CDH13: variants seen among roughly 807,000 people sequenced by gnomAD.
CDH13 encodes cadherin-13.
A neutral mutation model predicts 63.8 loss-of-function variants in CDH13; 24 were observed. The observed-to-expected ratio is 0.38, with a 90% CI of 0.27 to 0.53. The LOEUF (loss-of-function observed/expected upper bound fraction) is 0.53, where lower values mean the gene tolerates loss of function less well. CDH13 is among the 20% of genes least tolerant of loss of function. The pLI is 0.85. For synonymous variants in CDH13, 503 were observed against 355.3 expected, an observed-to-expected ratio of 1.42 and a Z score of -4.67; for missense variants, 1,049 against 903.1, an observed-to-expected ratio of 1.16 and a Z score of -2.07.
intron 2 of CDH13, among the ~76,000 whole-genome samples, chr16:82,934,261 C>T (rs774597659): frequency 6.6e-6 from 1 of 152,232 alleles, no homozygotes. Flanking sequence ...GCAGGCTCAA[C>T]ACCACATGGA....
At chr16:83,623,278 C>G (rs1216443641) in intron 8 of CDH13, among the ~76,000 whole-genome samples, 1 of 152,168 alleles carries the variant, frequency 6.6e-6, no homozygotes, top group Admixed American at 6.5e-5. Flanking sequence ...GCATTTCCCT[C>G]GAGTTCCCCC....
At chr16:83,624,531 G>A (rs78029059) in intron 8 of CDH13, among the ~76,000 whole-genome samples, 11,975 of 152,118 alleles carry the variant, frequency 0.079, 538 homozygotes, top group Non-Finnish European at 0.097. Flanking sequence ...CTCATTCCCA[G>A]TTCACAATAA....
chr16:83,792,108 C>A (rs917320253), intron 13 of CDH13, among the ~76,000 whole-genome samples: 2 of 152,070 alleles, frequency 1.3e-5, no homozygotes, highest in Non-Finnish European at 2.9e-5. Context: ...CTTTCTATTG[C>A]GAAACGTATT....
chr16:82,777,234 G>T (rs2035541209), intron 1 of CDH13, among the ~76,000 whole-genome samples: 1 of 152,212 alleles, frequency 6.6e-6, no homozygotes. Flanking sequence ...TTTCCAAAGT[G>T]CTAGGATTAC....
intron 6 of CDH13, among the ~76,000 whole-genome samples, chr16:83,372,826 A>G (rs1407068566): frequency 6.6e-6 from 1 of 151,992 alleles, no homozygotes; most frequent in East Asian, 1.9e-4. Flanking sequence ...TCTGTGGGGA[A>G]ACTTGCAAGT....
intron 1 of CDH13, among the ~76,000 whole-genome samples, chr16:82,819,698 C>T (rs896378339): frequency 1.3e-5 from 2 of 152,208 alleles, no homozygotes; most frequent in Non-Finnish European, 2.9e-5. Flanking sequence ...GAGGCAAGTC[C>T]GTCCTTTCTC....
At chr16:83,051,934 A>T (rs376660319) in intron 3 of CDH13, among the ~76,000 whole-genome samples, 3 of 150,560 alleles carry the variant, frequency 2.0e-5, no homozygotes, top group African/African-American at 7.3e-5. Context: ...CAACCATTTA[A>T]TTTTTTTTTT....
chr16:82,861,079 G>A (rs913618607), intron 2 of CDH13, among the ~76,000 whole-genome samples: 1 of 152,128 alleles, frequency 6.6e-6, no homozygotes, highest in East Asian at 1.9e-4. Context: ...AATGAAAAAC[G>A]AAAAGAACCA....
chr16:82,712,693 G>A (rs772988701), intron 1 of CDH13, among the ~76,000 whole-genome samples: 1 of 152,156 alleles, frequency 6.6e-6, no homozygotes. Context: ...GCCCCCTGAA[G>A]CCGCAGCTGA....
chr16:82,777,245 A>T (rs1370245906), intron 1 of CDH13, among the ~76,000 whole-genome samples: 1 of 152,242 alleles, frequency 6.6e-6, no homozygotes, highest in African/African-American at 2.4e-5. Context: ...CTAGGATTAC[A>T]GGCACGAGCC....
intron 7 of CDH13, among the ~76,000 whole-genome samples, chr16:83,513,314 G>C (rs929545536): frequency 6.6e-6 from 1 of 152,088 alleles, no homozygotes; most frequent in Non-Finnish European, 1.5e-5. Context: ...GGCATCATGG[G>C]ACCTGAAATG....
chr16:82,836,750 A>G (rs967707714), intron 1 of CDH13, among the ~76,000 whole-genome samples: 3 of 152,120 alleles, frequency 2.0e-5, no homozygotes, highest in Non-Finnish European at 2.9e-5. Flanking sequence ...GAAAGGCTCT[A>G]CCCCAACTCA....
At chr16:83,355,551 G>A (rs543314583) in intron 6 of CDH13, among the ~76,000 whole-genome samples, 7 of 152,288 alleles carry the variant, frequency 4.6e-5, no homozygotes, top group Admixed American at 1.3e-4. Context: ...CCTGAATCCC[G>A]ATAAACTGTT....
At chr16:82,934,957 C>G (rs1215669154) in intron 2 of CDH13, among the ~76,000 whole-genome samples, 2 of 152,198 alleles carry the variant, frequency 1.3e-5, no homozygotes, top group African/African-American at 4.8e-5. Flanking sequence ...ACTGTTCCAA[C>G]CTCTGCCTGT....
At chr16:83,628,516 A>G (rs1331249602) in intron 8 of CDH13, among the ~76,000 whole-genome samples, 1 of 151,988 alleles carries the variant, frequency 6.6e-6, no homozygotes, top group East Asian at 1.9e-4. Context: ...CAAGATTCCT[A>G]CAGACCTGGG....
chr16:83,408,399 G>C (rs549507216), intron 6 of CDH13, among the ~76,000 whole-genome samples: 1 of 152,180 alleles, frequency 6.6e-6, no homozygotes, highest in South Asian at 2.1e-4. Context: ...AAATCTAGAT[G>C]GTATATTCTG....
chr16:83,341,088 C>G lies in CDH13; in HGVS notation c.637-3774C>G, dbSNP rs193165414. The stretch of plus-strand genomic sequence containing the variant: ...GTTTCTACCAAGTGGCATCTCACTT[C>G]TAACATAAAGAACAAGCATCAGAAT... On this transcript the variant is annotated intron_variant, in intron 5 of 13. Transcript: ENST00000567109. Among the ~76,000 whole-genome samples the G allele has an allele frequency of 3.2e-4, 48 of 152,336 alleles. 1 individual carries two copies. Among genetic ancestry groups the G allele is most frequent in the African/African-American group, 1.1e-3 (46 of 41,572 alleles).
intron 1 of CDH13, among the ~76,000 whole-genome samples, chr16:82,735,451 T>C (rs2033624967): frequency 6.6e-6 from 1 of 152,246 alleles, no homozygotes; most frequent in South Asian, 2.1e-4. Context: ...AATACAGTTA[T>C]TTATGCGACT....
intron 11 of CDH13, among the ~76,000 whole-genome samples, chr16:83,762,237 G>A (rs1276018738): frequency 6.6e-6 from 1 of 152,092 alleles, no homozygotes; most frequent in Non-Finnish European, 1.5e-5. Context: ...CTTTAATGCT[G>A]GCATTTTATC....
Sources: allele counts gnomAD v4.1 joint callset (sites outside exome capture counted in the v4.1 genomes callset), GRCh38; gene constraint gnomAD v4.1.1; transcripts MANE v1.5; gene names NCBI Gene and HGNC (gene_info 2026-07-23, HGNC 2026-07-21).